Variants in ZNF254 observed in about 807,000 individuals in gnomAD.
ZNF254 encodes the protein CTD-2017D11.1.
ZNF254 carries 10 observed loss-of-function variants against 12.4 expected under a neutral mutation model. The ratio of observed to expected loss-of-function variants is 0.80; its 90% CI spans 0.50 to 1.36. The LOEUF (loss-of-function observed/expected upper bound fraction) is 1.36, where lower values mean the gene tolerates loss of function less well. ZNF254 is among the 40% of genes most tolerant of loss of function. ZNF254 has a pLI of 0.00. For synonymous variants in ZNF254, 305 were observed against 253.4 expected, an observed-to-expected ratio of 1.20 and a Z score of -1.93; for missense variants, 996 against 763.9, an observed-to-expected ratio of 1.30 and a Z score of -3.58.
At chr19:24,101,228 T>C (rs903251402) in intron 1 of ZNF254, among the ~76,000 whole-genome samples, 5 of 152,166 alleles carry the variant, frequency 3.3e-5, no homozygotes, top group Admixed American at 2.0e-4. Context: ...TGTACTCTAC[T>C]TGCTGTAACA....
chr19:24,049,210 A>ATTTTTTTT (rs1256957447), intron 2 of ZNF254, among the ~76,000 whole-genome samples: 2 of 46,214 alleles, frequency 4.3e-5, no homozygotes, highest in Admixed American at 2.4e-4. Flanking sequence ...ATATATATAT[A>ATTTTTTTT]TATATTTTTT....
At chr19:24,098,960 G>A (rs1972829568) in intron 1 of ZNF254, 1 of 145,864 alleles carries the variant, frequency 6.9e-6, no homozygotes, top group African/African-American at 2.6e-5. Flanking sequence ...AGGCCTGCAG[G>A]CTCTTCTTCT....
intron 2 of ZNF254, chr19:24,066,304 T>C (rs532280724): frequency 6.6e-6 from 1 of 152,330 alleles, no homozygotes; most frequent in Non-Finnish European, 1.5e-5. Flanking sequence ...ATGATGTGAC[T>C]CTCTTCTTCT....
chr19:24,068,590 T>G (rs1370975646), intron 2 of ZNF254, among the ~76,000 whole-genome samples: 1 of 152,158 alleles, frequency 6.6e-6, no homozygotes, highest in East Asian at 1.9e-4. Context: ...CATGAGCCAC[T>G]GCACCCAGTC....
intron 2 of ZNF254, chr19:24,078,981 C>T (rs964406743): frequency 5.9e-5 from 9 of 152,038 alleles, no homozygotes; most frequent in African/African-American, 1.9e-4. Flanking sequence ...AGAGTGTGCC[C>T]TTTCTTAAGG....
intron 2 of ZNF254, among the ~76,000 whole-genome samples, chr19:24,048,003 C>CTTTTTTTTTTTTCTTTTTTTTTTT (rs1970467954): frequency 1.5e-5 from 1 of 68,810 alleles, no homozygotes; most frequent in Non-Finnish European, 2.5e-5. Flanking sequence ...TTCTTTTCTT[C>CTTTTTTTTTTTTCTTTTTTTTTTT]TTTTTTTTTT....
At position 24,052,780 on chromosome 19, in the gene ZNF254, A is replaced by G. The variant is rs532753278; in HGVS notation, c.-94+6501A>G. ...TGAGTCTTCTGGTCAATCCCTATTC[A>G]CTGGTGGGATTGTGATACATATCTT... On this transcript the variant is annotated intron_variant, in intron 2 of 4. Transcript: ENST00000613065. 2.6e-5 allele frequency among the ~76,000 whole-genome samples: 4 copies of G among 152,204 alleles called. No homozygotes were observed. The East Asian group carries it at 7.7e-4, about 29-fold the overall frequency.
chr19:24,112,760 C>G (rs573361479), intron 3 of ZNF254, among the ~76,000 whole-genome samples: 2 of 151,204 alleles, frequency 1.3e-5, no homozygotes, highest in Non-Finnish European at 3.0e-5. Context: ...TTGAAAGGAT[C>G]AACAAAATTG....
intron 3 of ZNF254, among the ~76,000 whole-genome samples, chr19:24,123,216 T>G (rs568241849): frequency 6.6e-6 from 1 of 152,326 alleles, no homozygotes; most frequent in South Asian, 2.1e-4. Context: ...TTGTAAATTT[T>G]TCAGTTTTTC....
At chr19:24,083,334 A>G (rs1971916396), upstream of ZNF254, among the ~76,000 whole-genome samples, 1 of 152,180 alleles carries the variant, frequency 6.6e-6, no homozygotes. Context: ...TACAAATAAA[A>G]ACACATCCCA....
chr19:24,071,568 C>T (rs1039858641), intron 2 of ZNF254, among the ~76,000 whole-genome samples: 2 of 152,202 alleles, frequency 1.3e-5, no homozygotes, highest in African/African-American at 4.8e-5. Flanking sequence ...TTTTGACATA[C>T]CTCTGAAGCT....
At chr19:24,116,754 T>C (rs1974105766) in intron 3 of ZNF254, among the ~76,000 whole-genome samples, 2 of 152,202 alleles carry the variant, frequency 1.3e-5, no homozygotes, top group African/African-American at 4.8e-5. Context: ...TGCGTTCCTT[T>C]GGAGGAAGAG....
chr19:24,041,323 T>G (rs966708429), intron 1 of ZNF254, among the ~76,000 whole-genome samples: 1 of 152,086 alleles, frequency 6.6e-6, no homozygotes, highest in Non-Finnish European at 1.5e-5. Context: ...GGGAGAGGCA[T>G]GAGCGGGAAC....
Position 24,044,537 on chromosome 19 carries a change from C to CA in ZNF254, c.-189-1636dup, listed in dbSNP as rs767180895. 2.4e-3 allele frequency among the ~76,000 whole-genome samples: 277 copies of CA among 116,412 alleles called. 1 individual carries two copies. Among genetic ancestry groups the CA allele is most frequent in the South Asian group, 3.9e-3 (15 of 3,874 alleles). The allele number at this position is 116,412 out of a possible 152,430, so 76.4% of individuals were successfully genotyped here. Reference sequence around the variant, plus strand: ...TGGGTGACAGAGCGAGACTCAGTCTCAAAAAAAAAAATAAATAAATAAATA... The same window carrying CA: ...TGGGTGACAGAGCGAGACTCAGTCTCAAAAAAAAAAAATAAATAAATAAATA... On this transcript the variant is annotated intron_variant, in intron 1 of 4. Coordinates refer to the ZNF254 transcript ENST00000613065.
chr19:24,100,544 G>A (rs1047455717), intron 1 of ZNF254, among the ~76,000 whole-genome samples: 1 of 152,090 alleles, frequency 6.6e-6, no homozygotes, highest in South Asian at 2.1e-4. Flanking sequence ...TATTGCCACA[G>A]GTAGGTGTAA....
chr19:24,044,794 C>T (rs1418037930), intron 1 of ZNF254, among the ~76,000 whole-genome samples: 2 of 152,082 alleles, frequency 1.3e-5, no homozygotes, highest in Non-Finnish European at 2.9e-5. Flanking sequence ...AGGAACTCTG[C>T]CCTTGACTGC....
At chr19:24,126,226 AATTT>A (rs1461329868) in intron 3 of ZNF254, 24 bp from the exon 4 acceptor site, 4 of 1,367,608 alleles carry the variant, frequency 2.9e-6, no homozygotes, top group African/African-American at 1.5e-5. Flanking sequence ...TAAGTGGAGT[AATTT>A]ATTTATTTTT....
chr19:24,058,979 C>T (rs1438842751), intron 2 of ZNF254, among the ~76,000 whole-genome samples: 1 of 152,236 alleles, frequency 6.6e-6, no homozygotes, highest in East Asian at 1.9e-4. Context: ...TTGTGGCATA[C>T]TGCTAGGCCC....
chr19:24,083,679 AATT>A (rs1197186906), upstream of ZNF254, among the ~76,000 whole-genome samples: 1 of 152,226 alleles, frequency 6.6e-6, no homozygotes, highest in Non-Finnish European at 1.5e-5. Flanking sequence ...GATGAGACTT[AATT>A]AATTCTCAAA....
Sources: gnomAD v4.1 joint callset for allele counts (sites outside exome capture counted in the v4.1 genomes callset) on GRCh38, gnomAD v4.1.1 for gene constraint, MANE v1.5 for transcripts, NCBI Gene and HGNC (gene_info 2026-07-23, HGNC 2026-07-21) for gene names.